Variants in DNAJC13 observed in about 807,000 individuals in gnomAD.
DNAJC13 encodes dnaJ homolog subfamily C member 13.
DNAJC13 carries 75 observed loss-of-function variants against 290.5 expected under a neutral mutation model. The ratio of observed to expected loss-of-function variants is 0.26; its 90% CI spans 0.21 to 0.31. The LOEUF (loss-of-function observed/expected upper bound fraction) is 0.31, where lower values mean the gene tolerates loss of function less well. DNAJC13 is among the 10% of genes least tolerant of loss of function. The pLI is 1.00. For missense variants in DNAJC13, 2,260 were observed against 2,674.5 expected, an observed-to-expected ratio of 0.85 and a Z score of 3.42; for synonymous variants, 862 against 892.0, an observed-to-expected ratio of 0.97 and a Z score of 0.60.
At chr3:132,525,112 G>A (rs186546290) in intron 51 of DNAJC13, among the ~76,000 whole-genome samples, 6 of 152,238 alleles carry the variant, frequency 3.9e-5, no homozygotes, top group Admixed American at 6.5e-5. Context: ...AGGCCAAGGC[G>A]GGCGGATCAC....
In DNAJC13 at chr3:132,479,235, TA is replaced by T; in HGVS notation, c.2721del (p.Lys907AsnfsTer7). The T allele has an allele frequency of 6.2e-7, 1 of 1,606,814 alleles. No individual in the cohort carries two copies. ...IIGMLERCTD[K>X]LERDRLILFL... ...CTCATTTATTTCAATAGTGCACAGA[TA>T]AACTTGAACGAGATAGGTTGATTCT... On this transcript the variant is annotated frameshift_variant, in exon 25 of 56. Coordinates refer to ENST00000260818, the MANE Select transcript of DNAJC13 (RefSeq NM_015268.4). LOFTEE classifies it high-confidence loss of function.
chr3:132,503,007 T>G (rs1433926021), intron 40 of DNAJC13, among the ~76,000 whole-genome samples: 1 of 152,228 alleles, frequency 6.6e-6, no homozygotes, highest in Admixed American at 6.5e-5. Context: ...AGTACATAGA[T>G]TCTCCTGGTC....
At position 132,531,183 on chromosome 3, in the gene DNAJC13, G is replaced by C. The variant is rs3816529; in HGVS notation, c.6625+86G>C. 0.11 allele frequency: 128,449 copies of C among 1,146,708 alleles called. 7,863 individuals are homozygous for C. Among genetic ancestry groups the C allele is most frequent in the Middle Eastern group, 0.15 (779 of 5,084 alleles). The allele number at this position is 1,146,708 out of a possible 1,614,324, so 71.0% of individuals were successfully genotyped here. A position where few individuals can be genotyped will look rare whatever the true frequency, so the allele number is the denominator to read the frequency against. ...TTGCCCTAAATAGACTTAAAATTGT[G>C]TTCAGAGTGTTTCTTAGGCTACCAG... is the stretch of plus-strand genomic sequence containing the variant. On this transcript the variant is annotated intron_variant, in intron 55 of 55. Transcript: ENST00000260818.
intron 14 of DNAJC13, among the ~76,000 whole-genome samples, chr3:132,460,584 A>G (rs982148483): frequency 2.0e-5 from 3 of 152,016 alleles, no homozygotes; most frequent in Non-Finnish European, 4.4e-5. Flanking sequence ...TCACAGGGAT[A>G]CTCCAAATTT....
At chr3:132,490,104 T>C (rs1054383988) in intron 31 of DNAJC13, among the ~76,000 whole-genome samples, 2 of 152,236 alleles carry the variant, frequency 1.3e-5, no homozygotes, top group African/African-American at 4.8e-5. Context: ...GTTTAACAGA[T>C]AGTGAATTTG....
intron 27 of DNAJC13, 37 bp from the exon 28 acceptor site, chr3:132,483,338 A>G (rs1559890779): frequency 6.3e-7 from 1 of 1,584,816 alleles, no homozygotes; most frequent in Admixed American, 1.7e-5. Context: ...TTTTCATTTT[A>G]TTTTGTCTGT....
chr3:132,441,287 A>G (rs567109114), intron 2 of DNAJC13, among the ~76,000 whole-genome samples: 70 of 152,348 alleles, frequency 4.6e-4, no homozygotes, highest in African/African-American at 1.7e-3. Flanking sequence ...ACTTCTAGGG[A>G]ACAGTTGTCA....
intron 1 of DNAJC13, among the ~76,000 whole-genome samples, chr3:132,420,223 C>G (rs566057143): frequency 2.0e-5 from 3 of 152,290 alleles, no homozygotes; most frequent in African/African-American, 7.2e-5. Flanking sequence ...TGGAAAGAAC[C>G]CTGGGTGAGT....
At chr3:132,489,078 A>C in intron 31 of DNAJC13, 57 bp downstream of exon 31, 1 of 1,411,584 alleles carries the variant, frequency 7.1e-7, no homozygotes, top group Non-Finnish European at 1.0e-6. Context: ...TTGGCACTAT[A>C]AAGTTTCCTG....
chr3:132,486,077 C>T (rs996109725), intron 29 of DNAJC13, among the ~76,000 whole-genome samples: 6 of 117,664 alleles, frequency 5.1e-5, no homozygotes, highest in African/African-American at 1.6e-4. Flanking sequence ...CAGTAATGCC[C>T]TATCCTTTTT....
intron 1 of DNAJC13, among the ~76,000 whole-genome samples, chr3:132,428,808 C>G (rs1041737095): frequency 6.6e-6 from 1 of 152,208 alleles, no homozygotes; most frequent in East Asian, 1.9e-4. Flanking sequence ...CATCTCGGCT[C>G]ACTGCAACCT....
At chr3:132,511,427 C>A (rs1935777168) in intron 44 of DNAJC13, among the ~76,000 whole-genome samples, 183 bp downstream of exon 44, 1 of 152,074 alleles carries the variant, frequency 6.6e-6, no homozygotes. Flanking sequence ...GGAGAGAGGT[C>A]AAGGCACTAT....
chr3:132,435,380 CCA>C (rs887825084), intron 2 of DNAJC13, among the ~76,000 whole-genome samples: 2 of 152,122 alleles, frequency 1.3e-5, no homozygotes, highest in African/African-American at 4.8e-5. Flanking sequence ...CTGAATCGTG[CCA>C]CAAGGTAAAA....
chr3:132,471,432 G>A, intron 20 of DNAJC13, among the ~76,000 whole-genome samples: 1 of 143,618 alleles, frequency 7.0e-6, no homozygotes, highest in African/African-American at 2.6e-5. Context: ...GGGCGGAGAG[G>A]CTCCTCACTT....
At chr3:132,492,907 A>G (rs1207659312) in intron 33 of DNAJC13, among the ~76,000 whole-genome samples, 6 of 152,146 alleles carry the variant, frequency 3.9e-5, no homozygotes, top group Admixed American at 6.6e-5. Context: ...ATTATATACT[A>G]TAATACCTTG....
At chr3:132,438,412 A>G (rs1044584559) in intron 2 of DNAJC13, among the ~76,000 whole-genome samples, 3 of 152,214 alleles carry the variant, frequency 2.0e-5, no homozygotes, top group Non-Finnish European at 4.4e-5. Context: ...TAAAAAATAA[A>G]TGGCCAACAT....
In DNAJC13 at chr3:132,463,718, C is replaced by T. The variant is rs753724990; in HGVS notation, c.1793C>T (p.Thr598Ile). Reference sequence around the variant, plus strand: ...AAGGAAGGTGATAAAGAAATTGCTACAAAAATGCAGGAGCTTGCCCTAAGT... The same window carrying T: ...AAGGAAGGTGATAAAGAAATTGCTATAAAAATGCAGGAGCTTGCCCTAAGT... The part of the protein sequence containing the change: ...IIEEGDKEIA[T>I]KMQELALSEG... Residue 598 changes from threonine (T) to isoleucine (I), a missense_variant, in exon 17 of 56, where the codon ACA becomes ATA. Transcript: ENST00000260818. 4.3e-6 allele frequency: 7 copies of T among 1,612,842 alleles called. 1 individual carries two copies. In the South Asian group the frequency reaches 7.7e-5, roughly 18 times the overall value.
Position 132,446,483 on chromosome 3 carries a change from G to A in DNAJC13, c.77G>A (p.Arg26His), listed in dbSNP as rs1187239869. The change falls in exon 3 of 56, where the codon CGT becomes CAT. Residue 26 changes from arginine to histidine, a missense_variant. Physicochemically the swap from Arg to His is conservative, Grantham distance 29. This residue lies in a region of DNAJC13 where 762 missense variants were observed against 964.1 expected (regional missense o/e 0.79). Transcript: ENST00000260818. ...CTTGTTTTCCTTTGTAGGTATAAGC[G>A]TGTCTTTTCAGTTGGAACTCATGCG... ...TKHSWRGKYK[R>H]VFSVGTHAIT... 1.2e-6 allele frequency: 2 copies of A among 1,604,928 alleles called. No individual in the cohort carries two copies. The highest frequency in any genetic ancestry group is 1.7e-6 in the Non-Finnish European group (2 of 1,176,828).
intron 1 of DNAJC13, among the ~76,000 whole-genome samples, chr3:132,425,616 A>G (rs1445227598): frequency 6.6e-6 from 1 of 152,174 alleles, no homozygotes; most frequent in Admixed American, 6.5e-5. Flanking sequence ...TACAGACTCA[A>G]AATGGGAAAA....
Sources: gnomAD v4.1 joint callset for allele counts (sites outside exome capture counted in the v4.1 genomes callset) on GRCh38, gnomAD v4.1.1 for gene constraint, gnomAD v4.1.1 regional missense constraint, MANE v1.5 for transcripts, NCBI Gene and HGNC (gene_info 2026-07-23, HGNC 2026-07-21) for gene names.